SLC39A8: variants seen among roughly 807,000 people sequenced by gnomAD.
SLC39A8 encodes metal cation symporter ZIP8.
Under a neutral mutation model 40.4 loss-of-function variants are expected in SLC39A8, and 15 were observed. The ratio of observed to expected loss-of-function variants is 0.37; its 90% CI spans 0.25 to 0.57. The LOEUF (loss-of-function observed/expected upper bound fraction) is 0.57, where lower values mean the gene tolerates loss of function less well. SLC39A8 is among the 20% of genes least tolerant of loss of function. The probability of loss-of-function intolerance (pLI) is 0.75; values close to 1 mark genes in which losing one functional copy is unlikely to be tolerated. For missense variants in SLC39A8, 472 were observed against 558.8 expected (o/e 0.84, Z 1.57); for synonymous variants, 223 against 221.6 (o/e 1.01, Z -0.06).
chr4:102,293,449 T>G (rs1403254499), intron 6 of SLC39A8, among the ~76,000 whole-genome samples: 1 of 152,010 alleles, frequency 6.6e-6, no homozygotes, highest in Non-Finnish European at 1.5e-5. Context: ...AAGGGCTTCT[T>G]TGCTCTTCAA....
intron 6 of SLC39A8, among the ~76,000 whole-genome samples, chr4:102,303,714 T>C (rs1426221996): frequency 6.6e-6 from 1 of 151,792 alleles, no homozygotes; most frequent in Non-Finnish European, 1.5e-5. Context: ...GTTTGATTTC[T>C]ATCACTTGAA....
At chr4:102,267,797 A>T (rs1251658173) in intron 7 of SLC39A8, 75 bp downstream of exon 7, 101 of 1,565,128 alleles carry the variant, frequency 6.5e-5, no homozygotes, top group Non-Finnish European at 8.3e-5. Context: ...TTTTAAGAGC[A>T]TGTCACCTGA....
chr4:102,338,836 G>C (rs1355523102), intron 2 of SLC39A8, among the ~76,000 whole-genome samples: 2 of 152,132 alleles, frequency 1.3e-5, no homozygotes, highest in Non-Finnish European at 2.9e-5. Context: ...TTATCATAGA[G>C]TTGGTATGAG....
At chr4:102,282,694 C>T (rs959162092) in intron 6 of SLC39A8, among the ~76,000 whole-genome samples, 1 of 152,092 alleles carries the variant, frequency 6.6e-6, no homozygotes, top group Non-Finnish European at 1.5e-5. Flanking sequence ...GAGGCTTCCT[C>T]CTCTATTCTA....
At chr4:102,308,277 A>G (rs116335605) in intron 3 of SLC39A8, among the ~76,000 whole-genome samples, 1,531 of 152,090 alleles carry the variant, frequency 0.01, 22 homozygotes, top group African/African-American at 0.034. Context: ...GCATTACATA[A>G]CCCACCCTGT....
At chr4:102,339,699 G>A (rs1216593625) in intron 2 of SLC39A8, among the ~76,000 whole-genome samples, 1 of 152,040 alleles carries the variant, frequency 6.6e-6, no homozygotes, top group African/African-American at 2.4e-5. Flanking sequence ...TGCTCTTCTT[G>A]AAGTCTCTGA....
chr4:102,261,655 G>A, downstream of SLC39A8: 1 of 958,716 alleles, frequency 1.0e-6, no homozygotes, highest in Non-Finnish European at 1.2e-6. Flanking sequence ...AATAACAAAT[G>A]ACACAATACA....
intron 6 of SLC39A8, among the ~76,000 whole-genome samples, chr4:102,279,328 G>A (rs1487110799): frequency 2.0e-5 from 3 of 152,036 alleles, no homozygotes; most frequent in African/African-American, 7.2e-5. Flanking sequence ...CAACAGAGAT[G>A]AGAAAGTCAC....
downstream of SLC39A8, among the ~76,000 whole-genome samples, chr4:102,257,517 TAGTCA>T (rs1212674925): frequency 2.0e-5 from 3 of 152,126 alleles, no homozygotes; most frequent in Non-Finnish European, 2.9e-5. Flanking sequence ...AGTAGGAGGA[TAGTCA>T]AGGAAATTGA....
chr4:102,286,619 T>A (rs1560538451), intron 6 of SLC39A8, among the ~76,000 whole-genome samples: 1 of 152,086 alleles, frequency 6.6e-6, no homozygotes, highest in Non-Finnish European at 1.5e-5. Flanking sequence ...ATCAAACACA[T>A]AATAACAACT....
At chr4:102,275,287 C>G (rs958452031) in intron 6 of SLC39A8, among the ~76,000 whole-genome samples, 3 of 121,946 alleles carry the variant, frequency 2.5e-5, no homozygotes, top group Non-Finnish European at 5.5e-5. Context: ...GCAAAAAAAA[C>G]AAAAACAAAA....
chr4:102,251,645 C>T (rs1339704207), exon 12 of SLC39A8: 1 of 152,184 alleles, frequency 6.6e-6, no homozygotes, highest in Non-Finnish European at 1.5e-5. Flanking sequence ...GAAAAGAAGA[C>T]CCAAGGATGC....
chr4:102,264,423 G>A (rs1008068672), intron 8 of SLC39A8, among the ~76,000 whole-genome samples: 12 of 152,188 alleles, frequency 7.9e-5, no homozygotes, highest in Non-Finnish European at 1.2e-4. Flanking sequence ...AAACCATGCT[G>A]TAAACAGATG....
intron 2 of SLC39A8, among the ~76,000 whole-genome samples, chr4:102,338,319 T>TG (rs1735767534): frequency 1.3e-5 from 2 of 151,940 alleles, no homozygotes; most frequent in South Asian, 4.2e-4. Flanking sequence ...CCTGAGTAGC[T>TG]GGGACTACAG....
chr4:102,270,956 A>C (rs1343443064), intron 6 of SLC39A8, among the ~76,000 whole-genome samples: 1 of 152,140 alleles, frequency 6.6e-6, no homozygotes, highest in African/African-American at 2.4e-5. Flanking sequence ...AGTTTAAGGA[A>C]GGAGGAGAAA....
intron 6 of SLC39A8, among the ~76,000 whole-genome samples, chr4:102,273,969 A>G (rs188602878): frequency 1.2e-4 from 19 of 152,348 alleles, no homozygotes; most frequent in Admixed American, 1.1e-3. Context: ...GACCAAAGGT[A>G]GATAAAGTCA....
intron 2 of SLC39A8, chr4:102,324,239 A>G (rs898478748): frequency 2.8e-6 from 1 of 363,228 alleles, no homozygotes; most frequent in Admixed American, 3.1e-5. Flanking sequence ...TACTAAAAAT[A>G]TAAAAATTAC....
intron 2 of SLC39A8, among the ~76,000 whole-genome samples, chr4:102,319,068 A>G (rs180892694): frequency 3.9e-5 from 6 of 152,350 alleles, no homozygotes; most frequent in African/African-American, 1.4e-4. Flanking sequence ...GTAAGGTAGC[A>G]TTATAGGTAG....
At chr4:102,305,378 A>G (rs1404148764) in intron 4 of SLC39A8, among the ~76,000 whole-genome samples, 1 of 151,990 alleles carries the variant, frequency 6.6e-6, no homozygotes, top group Admixed American at 6.6e-5. Flanking sequence ...TATAACACCT[A>G]CAGCAATATT....
Sources: allele counts gnomAD v4.1 joint callset (sites outside exome capture counted in the v4.1 genomes callset), GRCh38; gene constraint gnomAD v4.1.1; transcripts MANE v1.5; gene names NCBI Gene and HGNC (gene_info 2026-07-23, HGNC 2026-07-21).